The following SYCP2L variants were observed in gnomAD, a reference collection of about 807,000 sequenced individuals.
SYCP2L encodes synaptonemal complex protein 2-like.
SYCP2L carries 98 observed loss-of-function variants against 125.8 expected under a neutral mutation model. The ratio of observed to expected loss-of-function variants is 0.78; its 90% CI spans 0.66 to 0.92. The LOEUF (loss-of-function observed/expected upper bound fraction) is 0.92, where lower values mean the gene tolerates loss of function less well. SYCP2L is among the 40% of genes least tolerant of loss of function. The pLI is 0.00. For synonymous variants in SYCP2L, 317 were observed against 325.4 expected, an observed-to-expected ratio of 0.97 and a Z score of 0.28; for missense variants, 842 against 936.4, an observed-to-expected ratio of 0.90 and a Z score of 1.32.
chr6:10,942,850 C>T, intron 23 of SYCP2L, 104 bp downstream of exon 23: 2 of 1,031,112 alleles, frequency 1.9e-6, no homozygotes, highest in South Asian at 1.5e-5. Flanking sequence ...AGTCACTTTG[C>T]ACAGTGACTA....
At chr6:10,968,445 A>G (rs1168855113) in intron 29 of SYCP2L, among the ~76,000 whole-genome samples, 1 of 152,180 alleles carries the variant, frequency 6.6e-6, no homozygotes, top group Non-Finnish European at 1.5e-5. Context: ...GTCAAGAGTC[A>G]TGCCTGCATG....
At chr6:10,953,158 T>G (rs1009822251) in intron 23 of SYCP2L, among the ~76,000 whole-genome samples, 1 of 152,170 alleles carries the variant, frequency 6.6e-6, no homozygotes, top group African/African-American at 2.4e-5. Flanking sequence ...TTAATCCTTT[T>G]TGCTTTGAGA....
At chr6:10,924,415 G>C (rs41267943) in intron 14 of SYCP2L, 81 bp from the exon 15 acceptor site, 2 of 1,158,246 alleles carry the variant, frequency 1.7e-6, no homozygotes, top group African/African-American at 3.2e-5. Flanking sequence ...ATACCCTAGC[G>C]TAGTTATTTA....
At chr6:10,947,744 A>G (rs74610442) in intron 23 of SYCP2L, among the ~76,000 whole-genome samples, 4,167 of 152,092 alleles carry the variant, frequency 0.027, 154 homozygotes, top group East Asian at 0.2. Context: ...CTTATTTTTC[A>G]TTCTTCATAG....
chr6:10,968,584 T>C (rs765045187), intron 29 of SYCP2L, among the ~76,000 whole-genome samples: 1 of 152,074 alleles, frequency 6.6e-6, no homozygotes, highest in Non-Finnish European at 1.5e-5. Flanking sequence ...CCAGCCATGT[T>C]TTAAAGAGGA....
chr6:10,921,375 T>C (rs1416563089), intron 14 of SYCP2L, among the ~76,000 whole-genome samples: 2 of 152,358 alleles, frequency 1.3e-5, no homozygotes, highest in East Asian at 3.9e-4. Context: ...GAATGATTTA[T>C]ATTCCTTTAG....
At chr6:10,942,590 C>T in intron 22 of SYCP2L, 61 bp downstream of exon 22, 2 of 1,575,220 alleles carry the variant, frequency 1.3e-6, no homozygotes, top group South Asian at 1.1e-5. Flanking sequence ...ATTTGCATAA[C>T]ACATTGGCTA....
chr6:10,902,970 G>A lies in SYCP2L; in HGVS notation c.641+7G>A. The A allele has an allele frequency of 1.2e-6, 2 of 1,612,118 alleles. No homozygotes were observed. The highest frequency in any genetic ancestry group is 1.7e-6 in the Non-Finnish European group (2 of 1,178,248). On this transcript the variant is annotated splice_region_variant and intron_variant, in intron 8 of 29. Coordinates refer to ENST00000283141, the MANE Select transcript of SYCP2L (RefSeq NM_001040274.3). ...AAGGCATGTGTCATCTTATGTAAGT[G>A]ACTTTGTATAAGTTACGTGCTGTAG...
chr6:10,946,796 A>C (rs2113387998), intron 23 of SYCP2L, among the ~76,000 whole-genome samples: 2 of 152,102 alleles, frequency 1.3e-5, no homozygotes, highest in African/African-American at 4.8e-5. Flanking sequence ...CACTTATTAA[A>C]ATTTGTCTAA....
intron 14 of SYCP2L, among the ~76,000 whole-genome samples, chr6:10,918,103 C>T (rs1443245950): frequency 6.6e-6 from 1 of 150,614 alleles, no homozygotes; most frequent in Non-Finnish European, 1.5e-5. Flanking sequence ...GAGGTTGAGG[C>T]TGGAGAGTGG....
At chr6:10,959,867 CT>C (rs1246223237) in intron 26 of SYCP2L, among the ~76,000 whole-genome samples, 2 of 91,008 alleles carry the variant, frequency 2.2e-5, no homozygotes, top group African/African-American at 6.8e-5. Context: ...AAAACTCTGT[CT>C]CAAAAAAAAA....
rs34443540 is a variant in SYCP2L at position 10,966,112 on chromosome 6, C to CAATAAT, written c.*37+2281_*37+2286dup. On this transcript the variant is annotated intron_variant, in intron 29 of 29. Transcript: ENST00000283141. ...TGGGCAACAGAGCAATACTCTGTCT[C>CAATAAT]AATAATAATAATAATAACAACAACA... Among the ~76,000 whole-genome samples, 738 of 151,240 alleles carry CAATAAT rather than the reference C, an allele frequency of 4.9e-3. 8 individuals carry two copies. Among genetic ancestry groups the CAATAAT allele is most frequent in the Non-Finnish European group, 5.7e-3 (389 of 67,812 alleles).
At chr6:10,889,684 A>G (rs1431280382) in intron 1 of SYCP2L, among the ~76,000 whole-genome samples, 1 of 147,102 alleles carries the variant, frequency 6.8e-6, no homozygotes, top group Non-Finnish European at 1.5e-5. Flanking sequence ...GCAATAGTGC[A>G]ACCTTAGCTC....
rs757373307 is a variant in SYCP2L, at chr6:10,898,043, T to C, written c.369T>C (p.Ile123=). 1.9e-6 allele frequency: 3 copies of C among 1,614,146 alleles called. No individual in the cohort carries two copies. The highest frequency in any genetic ancestry group is 1.6e-4 in the Middle Eastern group (1 of 6,062). The change falls in exon 5 of 30, where the codon ATT becomes ATC. Residue 123 remains isoleucine (I), a synonymous_variant. Coordinates refer to ENST00000283141, the MANE Select transcript of SYCP2L (RefSeq NM_001040274.3). Reference sequence around the variant, plus strand: ...CCTGGTTTGAAAGAACAACAGGAATTCTGACCTCGGAAGGCCTAGCCTCAG... The same window carrying C: ...CCTGGTTTGAAAGAACAACAGGAATCCTGACCTCGGAAGGCCTAGCCTCAG... The part of the protein sequence containing the change: ...LVSWFERTTG[I]LTSEGLASDT...
In SYCP2L at chr6:10,902,751, C is replaced by T. The variant is rs758879767; in HGVS notation, c.541C>T (p.Leu181Phe). 6.2e-7 allele frequency: 1 copy of T among 1,614,090 alleles called. No individual in the cohort carries two copies. The highest frequency in any genetic ancestry group is 1.1e-5 in the South Asian group (1 of 91,062). Reference sequence around the variant, plus strand: ...GACAGAAAAGACTGTAAATCATTTGCTTCAACAGGAGGTGAGTTGCAAGTA... The same window carrying T: ...GACAGAAAAGACTGTAAATCATTTGTTTCAACAGGAGGTGAGTTGCAAGTA... ...LVTEKTVNHL[L>F]QQEGLKTFNC... Residue 181 changes from leucine (L) to phenylalanine (F), a missense_variant, in exon 7 of 30, where the codon CTT becomes TTT. Leu to Phe is a conservative substitution (Grantham distance 22). Coordinates refer to ENST00000283141, the MANE Select transcript of SYCP2L (RefSeq NM_001040274.3).
chr6:10,942,670 T>G lies in SYCP2L; in HGVS notation c.1885-7T>G, dbSNP rs201113885. 1.2e-5 allele frequency: 20 copies of G among 1,613,580 alleles called. No homozygotes were observed. The South Asian group carries it at 1.8e-4, about 14-fold the overall frequency. On this transcript the variant is annotated splice_region_variant and splice_polypyrimidine_tract_variant and intron_variant, in intron 22 of 29. Coordinates refer to ENST00000283141, the MANE Select transcript of SYCP2L (RefSeq NM_001040274.3). Reference sequence around the variant, plus strand: ...GGACGTAATTTGTGGTCTGTTTTGTTTTTAAGATTGTGAACCAAGAATCAC... The same window carrying G: ...GGACGTAATTTGTGGTCTGTTTTGTGTTTAAGATTGTGAACCAAGAATCAC...
At chr6:10,926,210 G>A (rs1170102511) in intron 15 of SYCP2L, 129 bp from the exon 16 acceptor site, 3 of 699,330 alleles carry the variant, frequency 4.3e-6, no homozygotes, top group Non-Finnish European at 7.3e-6. Context: ...TTCAGGAGAG[G>A]ACAAACTGGT....
chr6:10,905,391 C>A (rs1780471076), intron 8 of SYCP2L, among the ~76,000 whole-genome samples: 1 of 151,696 alleles, frequency 6.6e-6, no homozygotes, highest in Admixed American at 6.6e-5. Context: ...CTCCCGGGTT[C>A]AAGAGATTCT....
At chr6:10,911,011 G>A (rs959968757) in intron 12 of SYCP2L, 142 bp downstream of exon 12, 1 of 856,192 alleles carries the variant, frequency 1.2e-6, no homozygotes, top group Non-Finnish European at 2.0e-6. Flanking sequence ...AATGACCTCA[G>A]TTCTCAAACC....
Sources: gnomAD v4.1 joint callset for allele counts (sites outside exome capture counted in the v4.1 genomes callset) on GRCh38, gnomAD v4.1.1 for gene constraint, MANE v1.5 for transcripts, NCBI Gene and HGNC (gene_info 2026-07-23, HGNC 2026-07-21) for gene names.